The following SGCZ variants were observed in gnomAD, a reference collection of about 807,000 sequenced individuals.
The protein encoded by SGCZ is zeta-sarcoglycan.
A neutral mutation model predicts 41.3 loss-of-function variants in SGCZ; 40 were observed. The ratio of observed to expected loss-of-function variants is 0.97; its 90% CI spans 0.75 to 1.26. SGCZ has a LOEUF of 1.26. SGCZ is among the 50% of genes most tolerant of loss of function. SGCZ has a pLI of 0.00. For synonymous variants in SGCZ, 206 were observed against 137.5 expected (o/e 1.50, Z -3.49); for missense variants, 552 against 369.8 (o/e 1.49, Z -4.04).
intron 1 of SGCZ, among the ~76,000 whole-genome samples, chr8:14,631,467 G>T (rs1357188808): frequency 6.6e-6 from 1 of 151,972 alleles, no homozygotes; most frequent in Admixed American, 6.6e-5. Context: ...ACAGAAATTA[G>T]CAACTACTTC....
intron 2 of SGCZ, among the ~76,000 whole-genome samples, chr8:14,385,669 C>G (rs1218458533): frequency 6.6e-6 from 1 of 151,758 alleles, no homozygotes; most frequent in African/African-American, 2.4e-5. Context: ...TGAGGTAAAT[C>G]AAAACTTTTA....
intron 1 of SGCZ, among the ~76,000 whole-genome samples, chr8:15,006,963 AAATT>A (rs1450466328): frequency 2.6e-5 from 4 of 152,254 alleles, no homozygotes; most frequent in Admixed American, 2.6e-4. Flanking sequence ...TTGAAGAAAG[AAATT>A]ATTATTTTTC....
chr8:14,964,453 G>A (rs563693574), intron 1 of SGCZ, among the ~76,000 whole-genome samples: 1 of 152,230 alleles, frequency 6.6e-6, no homozygotes, highest in South Asian at 2.1e-4. Context: ...TTTTGGAGCT[G>A]GTGATGCTAA....
chr8:15,236,461 C>T lies in SGCZ; in HGVS notation c.39+1124G>A, dbSNP rs555934014. On this transcript the variant is annotated intron_variant, in intron 1 of 7. Transcript: ENST00000382080. ...GGGTGGGGGGGTGCCTAAACATTCTCACTGATCAAAGAAGCCAGAATCCAT... is the reference window on the plus strand; with the variant it reads ...GGGTGGGGGGGTGCCTAAACATTCTTACTGATCAAAGAAGCCAGAATCCAT... 2.6e-4 allele frequency among the ~76,000 whole-genome samples: 39 copies of T among 152,046 alleles called. No homozygotes were observed. The South Asian group carries it at 5.6e-3, about 22-fold the overall frequency.
chr8:14,305,466 G>T (rs1427185342), intron 3 of SGCZ, among the ~76,000 whole-genome samples: 2 of 152,088 alleles, frequency 1.3e-5, no homozygotes, highest in Non-Finnish European at 2.9e-5. Flanking sequence ...AAATTCTGTT[G>T]TAAATGTGGA....
chr8:14,167,725 C>T (rs1804251397), intron 4 of SGCZ, among the ~76,000 whole-genome samples: 1 of 152,192 alleles, frequency 6.6e-6, no homozygotes, highest in African/African-American at 2.4e-5. Flanking sequence ...CCACCACCAT[C>T]ACCAAGGACA....
Position 15,204,717 on chromosome 8 carries a change from A to C in SGCZ, c.39+32868T>G, listed in dbSNP as rs146607625. Among the ~76,000 whole-genome samples the C allele has an allele frequency of 3.3e-4, 51 of 152,282 alleles. 1 individual carries two copies. The highest frequency in any genetic ancestry group is 1.2e-3 in the African/African-American group (50 of 41,556). ...CAGACTTATCTTTGCGACCTTTCATAAACACCCCACATAATATTAATCATC... is the reference window on the plus strand; with the variant it reads ...CAGACTTATCTTTGCGACCTTTCATCAACACCCCACATAATATTAATCATC... On this transcript the variant is annotated intron_variant, in intron 1 of 7. Transcript: ENST00000382080.
intron 2 of SGCZ, among the ~76,000 whole-genome samples, chr8:14,353,510 T>C (rs1803175675): frequency 6.6e-6 from 1 of 152,086 alleles, no homozygotes. Context: ...ATTTAAGGTG[T>C]CTTCCCCATT....
chr8:14,300,694 G>A (rs1446057726), intron 3 of SGCZ, among the ~76,000 whole-genome samples: 3 of 151,914 alleles, frequency 2.0e-5, no homozygotes, highest in Non-Finnish European at 4.4e-5. Flanking sequence ...AGAGTATAAT[G>A]TGGTTAATTT....
intron 1 of SGCZ, among the ~76,000 whole-genome samples, chr8:15,205,629 A>AAAG (rs1205461607): frequency 6.6e-6 from 1 of 152,200 alleles, no homozygotes; most frequent in Non-Finnish European, 1.5e-5. Flanking sequence ...GCTGTGGAGA[A>AAAG]AAGGGAACGC....
At chr8:14,599,104 G>T (rs1304070415) in intron 1 of SGCZ, among the ~76,000 whole-genome samples, 2 of 152,048 alleles carry the variant, frequency 1.3e-5, no homozygotes, top group African/African-American at 2.4e-5. Flanking sequence ...ATGCAAAACT[G>T]TTTCATCAAC....
rs149817014 is a variant in SGCZ, at chr8:14,455,415, G to C, written c.234+99317C>G. Among the ~76,000 whole-genome samples the C allele has an allele frequency of 7.2e-3, 1,092 of 150,894 alleles. 9 individuals carry two copies. The highest frequency in any genetic ancestry group is 0.038 in the Middle Eastern group (11 of 290). On this transcript the variant is annotated intron_variant, in intron 2 of 7. Coordinates refer to ENST00000382080, the MANE Select transcript of SGCZ (RefSeq NM_139167.4). ...CCTCTCACATATTGCTGGTAGAAAT[G>C]ATCATCAGCCTCAAAGTGTTGAAGG... is the stretch of plus-strand genomic sequence containing the variant.
chr8:14,582,971 G>A (rs988021788), intron 1 of SGCZ, among the ~76,000 whole-genome samples: 30 of 151,910 alleles, frequency 2.0e-4, no homozygotes, highest in African/African-American at 6.8e-4. Flanking sequence ...ATAAAAATAC[G>A]TGTGCATGTG....
At chr8:15,164,103 T>C (rs979388482) in intron 1 of SGCZ, among the ~76,000 whole-genome samples, 2 of 152,150 alleles carry the variant, frequency 1.3e-5, no homozygotes, top group African/African-American at 2.4e-5. Flanking sequence ...CCTATCTCAC[T>C]CACCATTCAA....
At chr8:14,540,349 T>A (rs1385451600) in intron 2 of SGCZ, among the ~76,000 whole-genome samples, 1 of 150,584 alleles carries the variant, frequency 6.6e-6, no homozygotes, top group African/African-American at 2.4e-5. Context: ...TAATATCTAC[T>A]ATGAGAATTT....
intron 3 of SGCZ, among the ~76,000 whole-genome samples, chr8:14,314,588 C>A (rs1376109253): frequency 6.6e-6 from 1 of 151,998 alleles, no homozygotes; most frequent in African/African-American, 2.4e-5. Flanking sequence ...AATAAAAATG[C>A]TTTGTAAATT....
At chr8:14,399,057 C>A (rs1331234593) in intron 2 of SGCZ, among the ~76,000 whole-genome samples, 2 of 152,014 alleles carry the variant, frequency 1.3e-5, no homozygotes, top group African/African-American at 4.8e-5. Flanking sequence ...ATCTCTCAGG[C>A]CTGTTAAGTT....
At chr8:14,882,171 C>T (rs1324026590) in intron 1 of SGCZ, among the ~76,000 whole-genome samples, 1 of 152,182 alleles carries the variant, frequency 6.6e-6, no homozygotes, top group Non-Finnish European at 1.5e-5. Context: ...GAGGTCTTAG[C>T]AAAGTAGCTC....
chr8:14,941,118 G>A (rs1387810451), intron 1 of SGCZ, among the ~76,000 whole-genome samples: 1 of 152,104 alleles, frequency 6.6e-6, no homozygotes, highest in Non-Finnish European at 1.5e-5. Context: ...CAGCATTGGT[G>A]AGAATGCTCA....
Sources: allele counts gnomAD v4.1 joint callset (sites outside exome capture counted in the v4.1 genomes callset), GRCh38; gene constraint gnomAD v4.1.1; transcripts MANE v1.5; gene names NCBI Gene and HGNC (gene_info 2026-07-23, HGNC 2026-07-21).